Variants in TIMD4 observed in about 807,000 individuals in gnomAD.
The protein encoded by TIMD4 is T-cell immunoglobulin and mucin domain-containing protein 4.
TIMD4 carries 31 observed loss-of-function variants against 41.2 expected under a neutral mutation model. The ratio of observed to expected loss-of-function variants is 0.75; its 90% confidence interval spans 0.57 to 1.01. The LOEUF (loss-of-function observed/expected upper bound fraction) is 1.01. Ranked by LOEUF, TIMD4 falls within the 50% of genes least tolerant of loss-of-function variation. The probability of loss-of-function intolerance (pLI) is 0.00; values close to 1 mark genes in which losing one functional copy is unlikely to be tolerated. For missense variants in TIMD4, 479 were observed against 472.5 expected (o/e 1.01, Z -0.13); for synonymous variants, 204 against 177.1 (o/e 1.15, Z -1.21).
In TIMD4 at chr5:156,934,288, T is replaced by TA. The variant is rs138495681; in HGVS notation, c.845-7977dup. On this transcript the variant is annotated intron_variant, in intron 5 of 8. Transcript: ENST00000274532. ...AGAGACAGGGTCTTGTTCTGTCGCC[T>TA]AGGCTTAAGTGCAGTGTGCAATCAG... Among the ~76,000 whole-genome samples the TA allele has an allele frequency of 8.4e-3, 1,277 of 152,322 alleles. 21 individuals are homozygous for TA. The highest frequency in any genetic ancestry group is 0.029 in the African/African-American group (1,222 of 41,570).
At chr5:156,919,607 C>T (rs1581603794) in intron 8 of TIMD4, 66 bp from the exon 9 acceptor site, 1 of 1,347,252 alleles carries the variant, frequency 7.4e-7, no homozygotes, top group South Asian at 1.2e-5. Context: ...AAAACAGATG[C>T]TGCTAAGTTA....
chr5:156,926,952 A>C (rs1414442606), intron 5 of TIMD4, among the ~76,000 whole-genome samples: 3 of 152,202 alleles, frequency 2.0e-5, no homozygotes. Flanking sequence ...CATACTGAGA[A>C]TCTACCAAAT....
chr5:156,931,499 C>T (rs1331506064), intron 5 of TIMD4, among the ~76,000 whole-genome samples: 2 of 152,196 alleles, frequency 1.3e-5, no homozygotes, highest in Admixed American at 6.5e-5. Flanking sequence ...ACAATCTTAA[C>T]ATTAACTCCA....
chr5:156,954,589 C>A lies in TIMD4; in HGVS notation c.226G>T (p.Val76Leu), dbSNP rs1759932647. The part of the protein sequence containing the change: ...EALIRTDGMR[V>L]TSRKSAKYRL... The stretch of plus-strand genomic sequence containing the variant: ...TATTTTGCTGACTTTCTTGAGGTCA[C>A]CCTCATTCCATCAGTGCGGATGAGC... The change falls in exon 2 of 9, where the codon GTG becomes TTG. Residue 76 changes from valine to leucine, a missense_variant. Coordinates refer to ENST00000274532, the MANE Select transcript of TIMD4 (RefSeq NM_138379.3). The A allele has an allele frequency of 1.2e-6, 2 of 1,614,126 alleles. No homozygotes were observed. The highest frequency in any genetic ancestry group is 1.7e-6 in the Non-Finnish European group (2 of 1,180,050).
intron 5 of TIMD4, among the ~76,000 whole-genome samples, chr5:156,944,784 C>A (rs1206291884): frequency 1.3e-5 from 2 of 152,070 alleles, no homozygotes; most frequent in Non-Finnish European, 2.9e-5. Context: ...GGATTACAGG[C>A]TTGAGCCACT....
intron 5 of TIMD4, among the ~76,000 whole-genome samples, chr5:156,928,155 T>A (rs1330990406): frequency 6.6e-6 from 1 of 152,014 alleles, no homozygotes; most frequent in African/African-American, 2.4e-5. Flanking sequence ...AAAAATTAGC[T>A]GGCATGGTGG....
intron 5 of TIMD4, among the ~76,000 whole-genome samples, chr5:156,929,409 C>G (rs139833101): frequency 8.5e-5 from 13 of 152,330 alleles, no homozygotes; most frequent in African/African-American, 2.6e-4. Context: ...GAACCTCAGA[C>G]TGTGACATTG....
intron 4 of TIMD4, among the ~76,000 whole-genome samples, chr5:156,948,750 G>C (rs1422260269): frequency 6.6e-6 from 1 of 152,218 alleles, no homozygotes; most frequent in Admixed American, 6.5e-5. Context: ...AGATTAGGTA[G>C]CTTAGCTAAA....
At chr5:156,933,838 G>A (rs922024311) in intron 5 of TIMD4, among the ~76,000 whole-genome samples, 16 of 152,170 alleles carry the variant, frequency 1.1e-4, no homozygotes, top group African/African-American at 3.9e-4. Flanking sequence ...GGGATTATAG[G>A]TGTGAGCCAC....
chr5:156,960,023 T>C (rs1035022560), intron 1 of TIMD4, among the ~76,000 whole-genome samples: 3 of 151,822 alleles, frequency 2.0e-5, no homozygotes, highest in African/African-American at 4.8e-5. Flanking sequence ...AGCCTGGGCA[T>C]TGGAGTGAGA....
At chr5:156,937,353 A>G (rs1161000376) in intron 5 of TIMD4, among the ~76,000 whole-genome samples, 1 of 151,806 alleles carries the variant, frequency 6.6e-6, no homozygotes, top group Non-Finnish European at 1.5e-5. Flanking sequence ...TTGTACCTTT[A>G]TTTATTGACT....
At chr5:156,949,771 T>A in intron 3 of TIMD4, 40 bp from the exon 4 acceptor site, 2 of 1,322,148 alleles carry the variant, frequency 1.5e-6, no homozygotes, top group Non-Finnish European at 2.2e-6. Flanking sequence ...AGCTGAAAAG[T>A]AGTTATTGTG....
In TIMD4 at chr5:156,948,400, A is replaced by G; in HGVS notation, c.844+16T>C. The G allele has an allele frequency of 7.3e-7, 1 of 1,366,662 alleles. No homozygotes were observed. The highest frequency in any genetic ancestry group is 9.5e-7 in the Non-Finnish European group (1 of 1,055,206). The allele number at this position is 1,366,662 out of a possible 1,614,324, so 84.7% of individuals were successfully genotyped here. On this transcript the variant is annotated intron_variant, in intron 5 of 8. Transcript: ENST00000274532. Reference sequence around the variant, plus strand: ...AATAAAGTAAAATAAAATAAAAAAAATCACAGCCCCCCTACCTCCAGGCTG... The same window carrying G: ...AATAAAGTAAAATAAAATAAAAAAAGTCACAGCCCCCCTACCTCCAGGCTG...
Position 156,951,679 on chromosome 5 carries a change from A to G in TIMD4, c.512T>C (p.Val171Ala), listed in dbSNP as rs769248582. The stretch of plus-strand genomic sequence containing the variant: ...GGTTGTGAGATCGGGTGTGGTCACG[A>G]CTGTTGTTGGAAGTGCAGCTGGGGT... ...TTTPAALPTTVVTTPDLTTGT... is the reference protein window; with the variant it reads ...TTTPAALPTTAVTTPDLTTGT... The change falls in exon 3 of 9, where the codon GTC (valine) becomes GCC (alanine). Residue 171 changes from valine (V) to alanine (A), a missense_variant. Val to Ala is a moderately conservative substitution (Grantham distance 64). Transcript: ENST00000274532. 1 of 1,613,796 alleles carries G rather than the reference A, an allele frequency of 6.2e-7. No homozygotes were observed. Among genetic ancestry groups the G allele is most frequent in the Non-Finnish European group, 8.5e-7 (1 of 1,179,950 alleles).
intron 7 of TIMD4, 46 bp downstream of exon 7, chr5:156,922,053 T>A: frequency 6.8e-7 from 1 of 1,470,092 alleles, no homozygotes; most frequent in Non-Finnish European, 9.4e-7. Flanking sequence ...CCTCCTGCAG[T>A]CGCCAGGGTT....
chr5:156,923,290 A>C (rs1759285211), intron 6 of TIMD4, among the ~76,000 whole-genome samples: 1 of 151,822 alleles, frequency 6.6e-6, no homozygotes, highest in Non-Finnish European at 1.5e-5. Flanking sequence ...CTGGGGTTAC[A>C]GGCATGCATA....
chr5:156,960,555 T>C (rs1183413039), intron 1 of TIMD4, among the ~76,000 whole-genome samples: 2 of 152,062 alleles, frequency 1.3e-5, no homozygotes, highest in Non-Finnish European at 2.9e-5. Flanking sequence ...TACAGGCACA[T>C]GTCACCACGC....
At chr5:156,934,859 T>C (rs1447874080) in intron 5 of TIMD4, among the ~76,000 whole-genome samples, 1 of 152,188 alleles carries the variant, frequency 6.6e-6, no homozygotes, top group African/African-American at 2.4e-5. Context: ...GTGGGTGCAT[T>C]TTAAAACAGA....
At chr5:156,951,819 C>A in intron 2 of TIMD4, 29 bp from the exon 3 acceptor site, 1 of 1,611,898 alleles carries the variant, frequency 6.2e-7, no homozygotes. Context: ...ATGTTTGGCA[C>A]CAAGCGGAGA....
Sources: gnomAD v4.1 joint callset for allele counts (sites outside exome capture counted in the v4.1 genomes callset) on GRCh38, gnomAD v4.1.1 for gene constraint, MANE v1.5 for transcripts, NCBI Gene and HGNC (gene_info 2026-07-23, HGNC 2026-07-21) for gene names.